The following DNAAF10 variants were observed in gnomAD, a reference collection of about 807,000 sequenced individuals.
The protein encoded by DNAAF10 is dynein axonemal assembly factor 10, also known as WD repeat domain 92.
Under a neutral mutation model 43.7 loss-of-function variants are expected in DNAAF10, and 28 were observed. The observed-to-expected ratio is 0.64, with a 90% CI of 0.48 to 0.88. DNAAF10 has a LOEUF of 0.88. DNAAF10 is among the 40% of genes least tolerant of loss of function. The pLI, the probability that DNAAF10 is intolerant of heterozygous loss-of-function variation, is 0.00. For missense variants in DNAAF10, 403 were observed against 439.1 expected (o/e 0.92, Z 0.73); for synonymous variants, 156 against 157.3 (o/e 0.99, Z 0.06).
intron 3 of DNAAF10, among the ~76,000 whole-genome samples, chr2:68,143,201 G>C (rs973379591): frequency 3.3e-5 from 5 of 152,012 alleles, no homozygotes; most frequent in Non-Finnish European, 7.4e-5. Flanking sequence ...CCCAGATATA[G>C]AGATAAGAGA....
intron 1 of DNAAF10, among the ~76,000 whole-genome samples, chr2:68,153,708 T>C (rs1673512546): frequency 1.3e-5 from 2 of 151,786 alleles, no homozygotes; most frequent in Non-Finnish European, 2.9e-5. Context: ...ATTTAAAAAT[T>C]TTTTTCCATT....
chr2:68,157,361 G>A lies in DNAAF10; in HGVS notation c.83C>T (p.Pro28Leu). The A allele has an allele frequency of 1.2e-6, 2 of 1,614,138 alleles. No homozygotes were observed. The highest frequency in any genetic ancestry group is 1.7e-6 in the Non-Finnish European group (2 of 1,180,030). Residue 28 changes from proline (P) to leucine (L), a missense_variant, in exon 1 of 8, where the codon CCC (proline) becomes CTC (leucine). By Grantham distance (98) the Pro-to-Leu change is moderately conservative. Transcript: ENST00000295121. ...CATGGTCACAAATTTGGCGCTGCAG[G>A]GCACCCACTTACAGTCAAACACCGT... ...NYTVFDCKWVPCSAKFVTMGN... is the reference protein window; with the variant it reads ...NYTVFDCKWVLCSAKFVTMGN...
intron 1 of DNAAF10, among the ~76,000 whole-genome samples, chr2:68,154,751 A>G (rs1253184141): frequency 6.6e-6 from 1 of 152,172 alleles, no homozygotes; most frequent in Non-Finnish European, 1.5e-5. Context: ...GTACTTTTGA[A>G]ATACATACAA....
intron 7 of DNAAF10, among the ~76,000 whole-genome samples, chr2:68,132,348 C>G (rs1015403021): frequency 6.6e-6 from 1 of 152,158 alleles, no homozygotes; most frequent in Non-Finnish European, 1.5e-5. Flanking sequence ...GGATGATCTA[C>G]TATTTTCTCT....
Position 68,131,265 on chromosome 2 carries a change from C to CG in DNAAF10, c.1046_1047insC (p.Ile350AspfsTer7). 1 of 1,614,028 alleles carries CG rather than the reference C, an allele frequency of 6.2e-7. No homozygotes were observed. The highest frequency in any genetic ancestry group is 8.5e-7 in the Non-Finnish European group (1 of 1,179,980). On this transcript the variant is annotated frameshift_variant, in exon 8 of 8. Transcript: ENST00000295121. LOFTEE classifies it high-confidence loss of function. ...AAATTTTATTGAGCTTTGTAACGAT[C>CG]AGTACTCTCACCGTTTGGTCAAATG... is the stretch of plus-strand genomic sequence containing the variant.
chr2:68,139,332 G>T (rs1156426977), intron 4 of DNAAF10, among the ~76,000 whole-genome samples: 2 of 152,150 alleles, frequency 1.3e-5, no homozygotes, highest in Non-Finnish European at 2.9e-5. Flanking sequence ...GCCATGAGCA[G>T]ACAATTCCTG....
At chr2:68,134,084 T>A (rs1464312824) in intron 7 of DNAAF10, 1 of 965,868 alleles carries the variant, frequency 1.0e-6, no homozygotes, top group East Asian at 1.1e-4. Flanking sequence ...TACCATTAAC[T>A]CACAATTTTT....
intron 7 of DNAAF10, among the ~76,000 whole-genome samples, chr2:68,133,614 G>A (rs541093804): frequency 1.6e-4 from 25 of 152,150 alleles, no homozygotes; most frequent in African/African-American, 6.0e-4. Context: ...TTAGCCAGGC[G>A]TCGTGGCGGG....
At chr2:68,144,463 A>G in intron 3 of DNAAF10, 122 bp downstream of exon 3, 1 of 1,271,988 alleles carries the variant, frequency 7.9e-7, no homozygotes, top group South Asian at 1.4e-5. Flanking sequence ...AGTAGCAGCA[A>G]GACTGTTAGA....
chr2:68,137,841 T>G (rs987606747), intron 5 of DNAAF10, among the ~76,000 whole-genome samples: 3 of 146,746 alleles, frequency 2.0e-5, no homozygotes, highest in African/African-American at 7.6e-5. Context: ...CACTCCATCC[T>G]GGGCGACAGA....
At position 68,144,600 on chromosome 2, in the gene DNAAF10, T is replaced by C; in HGVS notation, c.400A>G (p.Thr134Ala). 1 of 1,613,622 alleles carries C rather than the reference T, an allele frequency of 6.2e-7. No homozygotes were observed. The highest frequency in any genetic ancestry group is 8.5e-7 in the Non-Finnish European group (1 of 1,179,908). The change falls in exon 3 of 8, where the codon ACT (threonine) becomes GCT (alanine). Residue 134 changes from threonine to alanine, a missense_variant. Thr to Ala is a moderately conservative substitution (Grantham distance 58). Coordinates refer to ENST00000295121, the MANE Select transcript of DNAAF10 (RefSeq NM_138458.4). The part of the protein sequence containing the change: ...GIGEGAPEIV[T>A]GSRDGTVKVW... ...AGGGACTCACCATCTCGGCTGCCAG[T>C]CACAATTTCAGGTGCTCCTTCTCCA...
chr2:68,140,846 C>T (rs1673160010), intron 4 of DNAAF10, among the ~76,000 whole-genome samples: 1 of 151,556 alleles, frequency 6.6e-6, no homozygotes, highest in Non-Finnish European at 1.5e-5. Flanking sequence ...AAAAAATTTG[C>T]ATCTACACTA....
At chr2:68,137,586 C>T (rs1273546354) in intron 5 of DNAAF10, among the ~76,000 whole-genome samples, 153 bp from the exon 6 acceptor site, 1 of 152,104 alleles carries the variant, frequency 6.6e-6, no homozygotes, top group East Asian at 1.9e-4. Flanking sequence ...AATTTTTTTC[C>T]AGCCAGGCGC....
rs1453152500 is a variant in DNAAF10 at position 68,130,115 on chromosome 2, G to GAGAGAGATATATATATATATATATATAT, written c.*1122_*1123insATATATATATATATATATATATCTCTCT. 5.2e-4 allele frequency: 69 copies of GAGAGAGATATATATATATATATATATAT among 132,902 alleles called. No homozygotes were observed. Among genetic ancestry groups the GAGAGAGATATATATATATATATATATAT allele is most frequent in the African/African-American group, 1.8e-3 (63 of 34,274 alleles). 8.2% of individuals were successfully genotyped at this position (132,902 alleles called of 1,614,324 possible). A position where few individuals can be genotyped will look rare whatever the true frequency, so the allele number is the denominator to read the frequency against. ...CAACCGTGCCGTTTTGAGAGAGAGAGATATATATATATATATTTGTTTTTT... is the reference window on the plus strand; with the variant it reads ...CAACCGTGCCGTTTTGAGAGAGAGAGAGAGAGATATATATATATATATATATATATATATATATATATATTTGTTTTTT... On this transcript the variant is annotated 3_prime_UTR_variant, in exon 8 of 8. Coordinates refer to ENST00000295121, the MANE Select transcript of DNAAF10 (RefSeq NM_138458.4).
intron 1 of DNAAF10, among the ~76,000 whole-genome samples, chr2:68,152,859 A>G (rs1673490068): frequency 6.6e-6 from 1 of 152,188 alleles, no homozygotes; most frequent in Non-Finnish European, 1.5e-5. Flanking sequence ...GCTTGTCAGT[A>G]TTTCCTCCTC....
In DNAAF10 at chr2:68,141,791, A is replaced by G. The variant is rs779418156; in HGVS notation, c.420T>C (p.Thr140=). The change falls in exon 4 of 8, where the codon ACT becomes ACC. Residue 140 remains threonine, a synonymous_variant. Transcript: ENST00000295121. The part of the protein sequence containing the change: ...PEIVTGSRDG[T]VKVWDPRQKD... ...TTTGCCTTGGGTCCCACACCTTCAC[A>G]GTTCCTGCCATGCATAAAAGTGAGT... 2 of 1,614,000 alleles carry G rather than the reference A, an allele frequency of 1.2e-6. No individual in the cohort carries two copies. The highest frequency in any genetic ancestry group is 3.3e-5 in the Admixed American group (2 of 59,992).
chr2:68,135,981 G>A (rs900605217), intron 6 of DNAAF10, among the ~76,000 whole-genome samples: 4 of 152,110 alleles, frequency 2.6e-5, no homozygotes, highest in Middle Eastern at 3.2e-3. Flanking sequence ...TTGGGAGGCT[G>A]AGGCAGGAGG....
At chr2:68,156,664 A>G (rs1212321100) in intron 1 of DNAAF10, among the ~76,000 whole-genome samples, 1 of 152,180 alleles carries the variant, frequency 6.6e-6, no homozygotes, top group Non-Finnish European at 1.5e-5. Context: ...AAGGAGATAA[A>G]CTTCTTCCCA....
At position 68,138,789 on chromosome 2, in the gene DNAAF10, C is replaced by G; in HGVS notation, c.586G>C (p.Asp196His). Residue 196 changes from aspartate to histidine, a missense_variant, in exon 5 of 8, where the codon GAT (aspartate) becomes CAT (histidine). Physicochemically the swap from Asp to His is moderately conservative, Grantham distance 81. Coordinates refer to ENST00000295121, the MANE Select transcript of DNAAF10 (RefSeq NM_138458.4). ...GYDNGDIKLFDLRNMALRWET... is the reference protein window; with the variant it reads ...GYDNGDIKLFHLRNMALRWET... ...CACCGTAATGCCATATTTCTGAGAT[C>G]AAATAGTTTGATATCCCCATTGTCA... 1 of 1,614,102 alleles carries G rather than the reference C, an allele frequency of 6.2e-7. No individual in the cohort carries two copies. Among genetic ancestry groups the G allele is most frequent in the Non-Finnish European group, 8.5e-7 (1 of 1,179,988 alleles).
Sources: gnomAD v4.1 joint callset for allele counts (sites outside exome capture counted in the v4.1 genomes callset) on GRCh38, gnomAD v4.1.1 for gene constraint, MANE v1.5 for transcripts, NCBI Gene and HGNC (gene_info 2026-07-23, HGNC 2026-07-21) for gene names.